The following GPR107 variants were observed in gnomAD, a reference collection of about 807,000 sequenced individuals.
The protein encoded by GPR107 is protein GPR107.
Under a neutral mutation model 75.5 loss-of-function variants are expected in GPR107, and 31 were observed. The observed-to-expected ratio is 0.41, with a 90% CI of 0.31 to 0.55. The LOEUF (loss-of-function observed/expected upper bound fraction) is 0.55, where lower values mean the gene tolerates loss of function less well. Among genes scored for constraint, GPR107 ranks in the 20% least tolerant of loss-of-function variants. The probability of loss-of-function intolerance (pLI) is 0.26; values close to 1 mark genes in which losing one functional copy is unlikely to be tolerated. For synonymous variants in GPR107, 267 were observed against 251.3 expected (o/e 1.06, Z -0.59); for missense variants, 572 against 665.7 (o/e 0.86, Z 1.55).
chr9:130,068,429 TA>T (rs1203955132), intron 1 of GPR107, among the ~76,000 whole-genome samples: 1 of 39,250 alleles, frequency 2.5e-5, no homozygotes, highest in Non-Finnish European at 7.3e-5. Flanking sequence ...GATTCAAATT[TA>T]AAAACAAAAG....
At chr9:130,062,655 TGCCTG>T (rs1564657693) in intron 1 of GPR107, among the ~76,000 whole-genome samples, 18,854 of 61,426 alleles carry the variant, frequency 0.31, 1,320 homozygotes, top group East Asian at 0.37. Context: ...CCTGCCTGCC[TGCCTG>T]CCTTCCTTCC....
intron 14 of GPR107, among the ~76,000 whole-genome samples, chr9:130,123,942 C>T (rs1209635939): frequency 6.6e-6 from 1 of 152,208 alleles, no homozygotes; most frequent in African/African-American, 2.4e-5. Context: ...GTGTTGTATC[C>T]TCTCAACTGT....
intron 13 of GPR107, among the ~76,000 whole-genome samples, chr9:130,106,063 G>A (rs572720913): frequency 6.6e-6 from 1 of 152,244 alleles, no homozygotes; most frequent in South Asian, 2.1e-4. Flanking sequence ...TTTCCAGATC[G>A]AAAAGAGCAC....
chr9:130,090,016 C>A (rs1038927615), intron 7 of GPR107, among the ~76,000 whole-genome samples: 1 of 152,122 alleles, frequency 6.6e-6, no homozygotes, highest in Non-Finnish European at 1.5e-5. Context: ...CCTGAGAAAC[C>A]TTGTGTCTCC....
chr9:130,096,947 A>G (rs1191700076), intron 9 of GPR107, among the ~76,000 whole-genome samples: 1 of 152,082 alleles, frequency 6.6e-6, no homozygotes, highest in African/African-American at 2.4e-5. Flanking sequence ...ACAGCATCCC[A>G]TGCTCTGTGT....
At position 130,099,525 on chromosome 9, in the gene GPR107, T is replaced by C; in HGVS notation, c.932T>C (p.Phe311Ser). The change falls in exon 10 of 18, where the codon TTC (phenylalanine) becomes TCC (serine). Residue 311 changes from phenylalanine (F) to serine (S), a missense_variant. Phe to Ser is a radical substitution (Grantham distance 155). Transcript: ENST00000347136. ...TTCACCAAGTCTCTTTCCTTGGTGT[T>C]CCATGCAGTATGTATTAGCATTTTG... The part of the protein sequence containing the change: ...LPFTKSLSLV[F>S]HAIDYHYISS... 6.3e-7 allele frequency: 1 copy of C among 1,578,066 alleles called. No homozygotes were observed. Among genetic ancestry groups the C allele is most frequent in the Non-Finnish European group, 8.7e-7 (1 of 1,147,266 alleles).
At chr9:130,066,264 A>C (rs1293362842) in intron 1 of GPR107, among the ~76,000 whole-genome samples, 3 of 152,042 alleles carry the variant, frequency 2.0e-5, no homozygotes, top group South Asian at 2.1e-4. Context: ...GCGCCACTGC[A>C]CTCCAGCCTG....
Position 130,100,596 on chromosome 9 carries a change from G to A in GPR107, c.940-33G>A, listed in dbSNP as rs201160117. 86 of 1,441,714 alleles carry A rather than the reference G, an allele frequency of 6.0e-5. 1 individual carries two copies. In the East Asian group the frequency reaches 1.8e-3, roughly 31 times the overall value. 89.3% of individuals were successfully genotyped at this position (1,441,714 alleles called of 1,614,324 possible). The stretch of plus-strand genomic sequence containing the variant: ...TTCTTTGTGGAGCCATGTAGATAAT[G>A]AGTGATTCTGAAATGCAGTTGTTTG... On this transcript the variant is annotated intron_variant, in intron 10 of 17. Transcript: ENST00000347136.
chr9:130,057,706 C>T (rs1001425227), intron 1 of GPR107, among the ~76,000 whole-genome samples: 2 of 151,656 alleles, frequency 1.3e-5, no homozygotes, highest in African/African-American at 4.8e-5. Flanking sequence ...GAAATGAGTC[C>T]TCTTATATTT....
At chr9:130,075,848 T>A (rs1308681522) in intron 2 of GPR107, 99 bp downstream of exon 2, 1 of 605,446 alleles carries the variant, frequency 1.7e-6, no homozygotes, top group Non-Finnish European at 2.9e-6. Flanking sequence ...GGTGGCGCAA[T>A]CTCAGCTCAC....
At chr9:130,131,416 C>T (rs1831825015) in intron 17 of GPR107, among the ~76,000 whole-genome samples, 1 of 152,058 alleles carries the variant, frequency 6.6e-6, no homozygotes, top group Non-Finnish European at 1.5e-5. Context: ...TTCACTTCTG[C>T]CACTCCCAGT....
chr9:130,069,585 A>G (rs1364720827), intron 1 of GPR107, among the ~76,000 whole-genome samples: 2 of 152,182 alleles, frequency 1.3e-5, no homozygotes, highest in Non-Finnish European at 2.9e-5. Context: ...TCACTTCCAT[A>G]CATATCTTAT....
intron 9 of GPR107, among the ~76,000 whole-genome samples, chr9:130,093,347 GTATT>G (rs1830787302): frequency 6.6e-6 from 1 of 152,102 alleles, no homozygotes; most frequent in Non-Finnish European, 1.5e-5. Context: ...ATCGTGTAAA[GTATT>G]TATTATAAGG....
At chr9:130,111,645 C>A (rs1173133106) in intron 14 of GPR107, among the ~76,000 whole-genome samples, 1 of 151,900 alleles carries the variant, frequency 6.6e-6, no homozygotes, top group East Asian at 1.9e-4. Context: ...TTCCTTCCTG[C>A]ATTGGGGTGA....
Position 130,112,740 on chromosome 9 carries a change from T to C in GPR107, c.1306+5201T>C, listed in dbSNP as rs1831336026. On this transcript the variant is annotated intron_variant, in intron 14 of 17. Coordinates refer to ENST00000347136, the MANE Select transcript of GPR107 (RefSeq NM_020960.5). This position sits in a 1 kb window ranked among gnomAD's most constrained non-coding sequence, Gnocchi z 4.0. ...AACTAGCTGCTTTTATTTTATTTTT[T>C]TGTTGTTTTTTATTTATTTATTTTT... Among the ~76,000 whole-genome samples, 1 of 152,032 alleles carries C rather than the reference T, an allele frequency of 6.6e-6. No individual in the cohort carries two copies. The highest frequency in any genetic ancestry group is 2.4e-5 in the African/African-American group (1 of 41,386).
Position 130,090,998 on chromosome 9 carries a change from G to A in GPR107, c.729+15G>A. On this transcript the variant is annotated intron_variant, in intron 8 of 17. Coordinates refer to ENST00000347136, the MANE Select transcript of GPR107 (RefSeq NM_020960.5). ...TCAGCCTTGATGTGAGTACTGTTTG[G>A]AGATTGTTCTACGTGGATTTTGTCA... 9.8e-7 allele frequency: 1 copy of A among 1,018,566 alleles called. No homozygotes were observed. Among genetic ancestry groups the A allele is most frequent in the Non-Finnish European group, 1.6e-6 (1 of 644,348 alleles). The allele number at this position is 1,018,566 out of a possible 1,614,324, so 63.1% of individuals were successfully genotyped here.
At position 130,135,254 on chromosome 9, in the gene GPR107, C is replaced by T; in HGVS notation, c.*133C>T. ...GTGACACCAGGGCACATGGCTGGAG[C>T]ACAGTGCCGCGGAAACCTGATTTTG... is the stretch of plus-strand genomic sequence containing the variant. On this transcript the variant is annotated 3_prime_UTR_variant, in exon 18 of 18. Transcript: ENST00000347136. The T allele has an allele frequency of 3.5e-6, 2 of 575,872 alleles. No homozygotes were observed. The highest frequency in any genetic ancestry group is 6.1e-6 in the Non-Finnish European group (2 of 327,230). The allele number at this position is 575,872 out of a possible 1,614,324, so 35.7% of individuals were successfully genotyped here. A position where few individuals can be genotyped will look rare whatever the true frequency, so the allele number is the denominator to read the frequency against.
Position 130,140,131 on chromosome 9 carries a change from T to G in GPR107, c.*5010T>G, listed in dbSNP as rs903694711. 1 of 152,168 alleles carries G rather than the reference T, an allele frequency of 6.6e-6. No homozygotes were observed. The highest frequency in any genetic ancestry group is 2.4e-5 in the African/African-American group (1 of 41,432). The allele number at this position is 152,168 out of a possible 1,614,324, so 9.4% of individuals were successfully genotyped here. A position where few individuals can be genotyped will look rare whatever the true frequency, so the allele number is the denominator to read the frequency against. On this transcript the variant is annotated 3_prime_UTR_variant, in exon 18 of 18. Coordinates refer to ENST00000347136, the MANE Select transcript of GPR107 (RefSeq NM_020960.5). This position sits in a 1 kb window ranked among gnomAD's most constrained non-coding sequence, Gnocchi z 4.0. The stretch of plus-strand genomic sequence containing the variant: ...TACGGGGTGAATTCTCTTGCCGTGT[T>G]GCAAATGTGTAAAATAAAGATTATC...
At position 130,123,525 on chromosome 9, in the gene GPR107, CTTTTCTTTTTT is replaced by C. The variant is rs1365753838; in HGVS notation, c.1307-1385_1307-1375del. Among the ~76,000 whole-genome samples, 27 of 135,582 alleles carry C rather than the reference CTTTTCTTTTTT, an allele frequency of 2.0e-4. No homozygotes were observed. The South Asian group carries it at 4.7e-3, about 24-fold the overall frequency. 88.9% of individuals were successfully genotyped at this position (135,582 alleles called of 152,430 possible). A position where few individuals can be genotyped will look rare whatever the true frequency, so the allele number is the denominator to read the frequency against. Reference sequence around the variant, plus strand: ...CCTATTTCTTTTTTTTCTTTCTTTTCTTTTCTTTTTTTTTTTTTTTTTTTGTAGAAACGGGG... The same window carrying C: ...CCTATTTCTTTTTTTTCTTTCTTTTCTTTTTTTTTTTTTGTAGAAACGGGG... On this transcript the variant is annotated intron_variant, in intron 14 of 17. Transcript: ENST00000347136.
Sources: gnomAD v4.1 joint callset for allele counts (sites outside exome capture counted in the v4.1 genomes callset) on GRCh38, gnomAD v4.1.1 for gene constraint, Gnocchi (gnomAD v3.1) non-coding constraint, MANE v1.5 for transcripts, NCBI Gene and HGNC (gene_info 2026-07-23, HGNC 2026-07-21) for gene names.